The following CNGA1 variants were observed in gnomAD, a reference collection of about 807,000 sequenced individuals.
CNGA1 encodes the protein cyclic nucleotide-gated channel alpha-1.
In CNGA1, 53 loss-of-function variants were observed where a neutral mutation model predicts 69.7. That is an observed-to-expected ratio of 0.76 (90% confidence interval 0.61 to 0.96). The LOEUF is 0.96. Ranked by LOEUF, CNGA1 falls within the 40% of genes least tolerant of loss-of-function variation. CNGA1 has a pLI of 0.00. For missense variants in CNGA1, 739 were observed against 811.2 expected (o/e 0.91, Z 1.08); for synonymous variants, 249 against 283.5 (o/e 0.88, Z 1.22).
intron 2 of CNGA1, among the ~76,000 whole-genome samples, chr4:47,982,412 T>C (rs1507922): frequency 0.28 from 43,264 of 152,014 alleles, 6,681 homozygotes; most frequent in African/African-American, 0.4. Context: ...CACCTCAAGA[T>C]GCCTAGCAGA....
In CNGA1 at chr4:47,937,033, C is replaced by A; in HGVS notation, c.1449G>T (p.Leu483=). The part of the protein sequence containing the change: ...VRIFADCEAG[L]LVELVLKLQP... ...GCAATTTCAAGACCAACTCCACCAACAGACCAGCTTCACAATCAGCAAAAA... is the reference window on the plus strand; with the variant it reads ...GCAATTTCAAGACCAACTCCACCAAAAGACCAGCTTCACAATCAGCAAAAA... The change falls in exon 11 of 11, where the codon CTG becomes CTT. Residue 483 remains leucine, a synonymous_variant. Transcript: ENST00000514170. The A allele has an allele frequency of 6.2e-7, 1 of 1,614,190 alleles. No individual in the cohort carries two copies. The highest frequency in any genetic ancestry group is 1.1e-5 in the South Asian group (1 of 91,080).
intron 1 of CNGA1, among the ~76,000 whole-genome samples, chr4:48,013,182 G>A (rs1392114805): frequency 6.6e-6 from 1 of 152,188 alleles, no homozygotes; most frequent in Non-Finnish European, 1.5e-5. Flanking sequence ...TGTAAAATTA[G>A]CTCATGCTGG....
Position 47,937,249 on chromosome 4 carries a change from A to T in CNGA1, c.1233T>A (p.Asp411Glu). The T allele has an allele frequency of 6.2e-7, 1 of 1,614,116 alleles. No individual in the cohort carries two copies. Among genetic ancestry groups the T allele is most frequent in the South Asian group, 1.1e-5 (1 of 91,086 alleles). ...GAAAATGCATATATTGCTTGATAGC[A>T]TCAATTCTTGCTTGAAATTCTGCTC... ...AARAEFQARI[D>E]AIKQYMHFRN... Residue 411 changes from aspartate to glutamate, a missense_variant, in exon 11 of 11, where the codon GAT becomes GAA. Coordinates refer to ENST00000514170, the MANE Select transcript of CNGA1 (RefSeq NM_001379270.1).
intron 3 of CNGA1, among the ~76,000 whole-genome samples, chr4:47,963,073 T>C (rs1160846550): frequency 1.3e-5 from 2 of 152,080 alleles, no homozygotes; most frequent in Non-Finnish European, 2.9e-5. Flanking sequence ...TCCTCCCGCC[T>C]CAACCTTCTG....
At chr4:47,970,350 C>A (rs1474343623) in intron 3 of CNGA1, among the ~76,000 whole-genome samples, 1 of 152,094 alleles carries the variant, frequency 6.6e-6, no homozygotes, top group Non-Finnish European at 1.5e-5. Context: ...CCCAACTCCA[C>A]AACTGACAAA....
chr4:47,962,086 C>CT (rs1378012182), intron 3 of CNGA1, among the ~76,000 whole-genome samples: 2 of 152,128 alleles, frequency 1.3e-5, no homozygotes, highest in African/African-American at 4.8e-5. Flanking sequence ...TGGCTCGTGC[C>CT]TGTAATCCCA....
chr4:48,002,702 A>C (rs982622988), intron 2 of CNGA1, among the ~76,000 whole-genome samples: 3 of 151,726 alleles, frequency 2.0e-5, no homozygotes, highest in Non-Finnish European at 4.4e-5. Context: ...AAAAAAAACA[A>C]AAACAAAAAA....
intron 10 of CNGA1, among the ~76,000 whole-genome samples, chr4:47,939,310 C>T (rs545303370): frequency 2.6e-4 from 40 of 152,298 alleles, no homozygotes; most frequent in Admixed American, 2.0e-3. Context: ...TTAGTGAACA[C>T]ATCTATGAAC....
chr4:47,961,129 G>A (rs1051541583), intron 3 of CNGA1, among the ~76,000 whole-genome samples: 1 of 152,042 alleles, frequency 6.6e-6, no homozygotes, highest in African/African-American at 2.4e-5. Context: ...ACTCCAGAAT[G>A]GAAAAAAAGA....
At chr4:47,986,298 T>C (rs1026524164) in intron 2 of CNGA1, among the ~76,000 whole-genome samples, 1 of 151,938 alleles carries the variant, frequency 6.6e-6, no homozygotes, top group Non-Finnish European at 1.5e-5. Context: ...TCCCAGCTAT[T>C]TGGGAGGCTG....
rs187681446 is a variant in CNGA1 at position 47,979,204 on chromosome 4, C to A, written c.-15+2189G>T. Among the ~76,000 whole-genome samples the A allele has an allele frequency of 4.6e-5, 7 of 151,844 alleles. No homozygotes were observed. The East Asian group carries it at 1.4e-3, about 30-fold the overall frequency. On this transcript the variant is annotated intron_variant, in intron 3 of 10. Coordinates refer to ENST00000514170, the MANE Select transcript of CNGA1 (RefSeq NM_001379270.1). ...AGTGAGGTGGCTCATGCCTGTAATC[C>A]CAGATACTCAGGAAGCTGAGGCGGG...
intron 2 of CNGA1, among the ~76,000 whole-genome samples, chr4:48,004,416 C>A (rs1714811702): frequency 6.6e-6 from 1 of 152,164 alleles, no homozygotes; most frequent in Non-Finnish European, 1.5e-5. Flanking sequence ...TCTCTCATCT[C>A]TGCACACGAG....
chr4:48,012,497 C>T (rs1474130089), intron 1 of CNGA1, among the ~76,000 whole-genome samples: 1 of 145,822 alleles, frequency 6.9e-6, no homozygotes, highest in Non-Finnish European at 1.5e-5. Flanking sequence ...CTTTAGTAGT[C>T]AAAATCAAAA....
chr4:47,964,063 A>C (rs1166076070), intron 3 of CNGA1, among the ~76,000 whole-genome samples: 2 of 152,180 alleles, frequency 1.3e-5, no homozygotes, highest in Non-Finnish European at 2.9e-5. Context: ...AATATAATTA[A>C]AGTAATTTTT....
At chr4:47,982,618 T>C (rs1507920) in intron 2 of CNGA1, among the ~76,000 whole-genome samples, 17,234 of 152,168 alleles carry the variant, frequency 0.11, 1,572 homozygotes, top group East Asian at 0.32. Flanking sequence ...TACCATTATA[T>C]TCTTAAATTA....
chr4:47,955,886 C>A (rs751656198), intron 3 of CNGA1, among the ~76,000 whole-genome samples: 2 of 152,208 alleles, frequency 1.3e-5, no homozygotes, highest in Non-Finnish European at 2.9e-5. Context: ...ATGGCATGAA[C>A]AAATATAGTT....
At chr4:47,973,691 C>T (rs1030879502) in intron 3 of CNGA1, among the ~76,000 whole-genome samples, 1 of 151,612 alleles carries the variant, frequency 6.6e-6, no homozygotes, top group African/African-American at 2.4e-5. Context: ...AACCAGTTAA[C>T]TTCGGGATGT....
intron 6 of CNGA1, among the ~76,000 whole-genome samples, chr4:47,948,834 T>G (rs554862745): frequency 2.5e-4 from 38 of 152,270 alleles, no homozygotes; most frequent in Admixed American, 2.4e-3. Context: ...GGGATGAGTG[T>G]CTGTACTGTT....
rs1420426567 is a variant in CNGA1 at position 47,981,744 on chromosome 4, C to T, written c.-122-244G>A. Among the ~76,000 whole-genome samples the T allele has an allele frequency of 4.6e-5, 7 of 152,104 alleles. No homozygotes were observed. In the East Asian group the frequency reaches 1.3e-3, roughly 29 times the overall value. The stretch of plus-strand genomic sequence containing the variant: ...GAGAGTTAGAAATAAAAGAGGGGTT[C>T]TCAAAGCTACATCTCTCAACAAATT... On this transcript the variant is annotated intron_variant, in intron 2 of 10. Coordinates refer to ENST00000514170, the MANE Select transcript of CNGA1 (RefSeq NM_001379270.1).
Sources: gnomAD v4.1 joint callset for allele counts (sites outside exome capture counted in the v4.1 genomes callset) on GRCh38, gnomAD v4.1.1 for gene constraint, MANE v1.5 for transcripts, NCBI Gene and HGNC (gene_info 2026-07-23, HGNC 2026-07-21) for gene names.